CSTPP1: variants seen among roughly 807,000 people sequenced by gnomAD.
The protein encoded by CSTPP1 is UPF0705 protein C11orf49.
At chr11:47,092,591 A>G in the CSTPP1 span, among the ~76,000 whole-genome samples, 1 of 152,168 alleles carries the variant, frequency 6.6e-6, no homozygotes, top group African/African-American at 2.4e-5. Flanking sequence ...TACCCCTCAC[A>G]TCCCTCATCT....
At chr11:47,060,844 T>C in the CSTPP1 span, among the ~76,000 whole-genome samples, 42 of 152,132 alleles carry the variant, frequency 2.8e-4, 1 homozygote, top group Admixed American at 2.8e-3. Context: ...TCCATTTGTG[T>C]GGTATTTTCA....
At chr11:47,021,958 G>A in the CSTPP1 span, among the ~76,000 whole-genome samples, 1 of 151,844 alleles carries the variant, frequency 6.6e-6, no homozygotes. Flanking sequence ...ATGGGCGCCT[G>A]TGCAGTTGTC....
the CSTPP1 span, among the ~76,000 whole-genome samples, chr11:47,030,493 T>C: frequency 6.6e-6 from 1 of 152,228 alleles, no homozygotes; most frequent in African/African-American, 2.4e-5. Context: ...AGATCCAGTA[T>C]GGTTACAGTT....
the CSTPP1 span, among the ~76,000 whole-genome samples, chr11:47,109,974 T>C: frequency 6.6e-6 from 1 of 152,178 alleles, no homozygotes; most frequent in Non-Finnish European, 1.5e-5. Context: ...TTTCCCTAGA[T>C]TGCATGGCTG....
At chr11:47,136,648 A>G in the CSTPP1 span, among the ~76,000 whole-genome samples, 3 of 152,150 alleles carry the variant, frequency 2.0e-5, no homozygotes, top group Non-Finnish European at 4.4e-5. Context: ...CAAAGAAACC[A>G]AGTGCCTGTG....
the CSTPP1 span, chr11:47,137,252 A>G: frequency 1.5e-6 from 2 of 1,292,278 alleles, no homozygotes; most frequent in Non-Finnish European, 2.0e-6. Flanking sequence ...ATGTGGTGGG[A>G]AACGTTACCA....
At chr11:47,138,601 G>A in the CSTPP1 span, among the ~76,000 whole-genome samples, 1 of 152,200 alleles carries the variant, frequency 6.6e-6, no homozygotes, top group African/African-American at 2.4e-5. Context: ...TAATTTCTGT[G>A]TTGGGTTTCA....
chr11:46,953,093 A>G, the CSTPP1 span, among the ~76,000 whole-genome samples: 233 of 152,280 alleles, frequency 1.5e-3, no homozygotes, highest in African/African-American at 5.4e-3. Flanking sequence ...GAAGTGTTCA[A>G]TGATACCAGA....
chr11:47,104,066 G>C, the CSTPP1 span, among the ~76,000 whole-genome samples: 1 of 152,156 alleles, frequency 6.6e-6, no homozygotes, highest in Non-Finnish European at 1.5e-5. Context: ...TGAGGAAAGA[G>C]AATCAGAGAT....
At chr11:47,151,659 G>C in the CSTPP1 span, among the ~76,000 whole-genome samples, 1 of 151,476 alleles carries the variant, frequency 6.6e-6, no homozygotes, top group East Asian at 1.9e-4. Flanking sequence ...AGTCATAGCC[G>C]GTGTTGCTGT....
the CSTPP1 span, among the ~76,000 whole-genome samples, chr11:47,082,499 T>A: frequency 1.3e-5 from 2 of 152,300 alleles, no homozygotes; most frequent in South Asian, 4.1e-4. Flanking sequence ...ACAGAGTTTA[T>A]AGTAAAGGAT....
chr11:46,936,738 G>A, the CSTPP1 span: 3 of 1,595,160 alleles, frequency 1.9e-6, no homozygotes, highest in South Asian at 3.4e-5. Context: ...CCATGGCAAC[G>A]GAGAGAGACG....
chr11:47,162,337 C>A, the CSTPP1 span: 2 of 812,176 alleles, frequency 2.5e-6, no homozygotes, highest in Non-Finnish European at 3.0e-6. Context: ...AGGAGGTAGG[C>A]CAGTGGCCCA....
chr11:47,090,545 GA>G, the CSTPP1 span, among the ~76,000 whole-genome samples: 1 of 152,148 alleles, frequency 6.6e-6, no homozygotes, highest in Non-Finnish European at 1.5e-5. Context: ...AAGGGTCAGA[GA>G]GGTCCCTGGA....
At chr11:46,956,447 C>T in the CSTPP1 span, among the ~76,000 whole-genome samples, 1 of 152,294 alleles carries the variant, frequency 6.6e-6, no homozygotes, top group East Asian at 1.9e-4. Flanking sequence ...AACTAGGCCA[C>T]CTAGCAATCA....
chr11:47,075,131 G>A, the CSTPP1 span, among the ~76,000 whole-genome samples: 1 of 152,172 alleles, frequency 6.6e-6, no homozygotes, highest in Non-Finnish European at 1.5e-5. Flanking sequence ...AGGACTTTGG[G>A]GAGGCCAAGG....
the CSTPP1 span, among the ~76,000 whole-genome samples, chr11:46,999,373 A>T: frequency 1.3e-5 from 2 of 152,114 alleles, no homozygotes; most frequent in East Asian, 3.8e-4. Flanking sequence ...AAAGATTAAA[A>T]TAGCTTCTTC....
At chr11:46,976,404 CACACACACACACACACACAGT>C in the CSTPP1 span, among the ~76,000 whole-genome samples, 2 of 151,478 alleles carry the variant, frequency 1.3e-5, no homozygotes, top group Non-Finnish European at 2.9e-5. Flanking sequence ...CACACACACA[CACACACACACACACACACAGT>C]ACACACACAC....
At chr11:46,971,435 A>T in the CSTPP1 span, among the ~76,000 whole-genome samples, 1 of 152,214 alleles carries the variant, frequency 6.6e-6, no homozygotes, top group Non-Finnish European at 1.5e-5. Context: ...GACAATACAT[A>T]ACAGGAGCCA....
Sources: gnomAD v4.1 joint callset for allele counts (sites outside exome capture counted in the v4.1 genomes callset) on GRCh38, gnomAD v4.1.1 for gene constraint, MANE v1.5 for transcripts, NCBI Gene and HGNC (gene_info 2026-07-23, HGNC 2026-07-21) for gene names.